Variants in MPDZ observed in about 807,000 individuals in gnomAD.
The protein encoded by MPDZ is multiple PDZ domain crumbs cell polarity complex component, also known as multiple PDZ domain protein.
MPDZ carries 234 observed loss-of-function variants against 239.1 expected under a neutral mutation model. The observed-to-expected ratio is 0.98, with a 90% CI of 0.88 to 1.09. The LOEUF is 1.09. MPDZ is among the 50% of genes least tolerant of loss of function. The probability of loss-of-function intolerance (pLI) is 0.00; values close to 1 mark genes in which losing one functional copy is unlikely to be tolerated. For synonymous variants in MPDZ, 1,048 were observed against 881.3 expected, an observed-to-expected ratio of 1.19 and a Z score of -3.35; for missense variants, 3,175 against 2,510.0, an observed-to-expected ratio of 1.26 and a Z score of -5.66.
chr9:13,224,673 A>G, intron 3 of MPDZ, 90 bp from the exon 4 acceptor site: 1 of 853,412 alleles, frequency 1.2e-6, no homozygotes. Context: ...CATACAAATG[A>G]AATTTCAAAA....
At chr9:13,264,656 T>TAA (rs201009628) in intron 1 of MPDZ, among the ~76,000 whole-genome samples, 14 of 132,834 alleles carry the variant, frequency 1.1e-4, no homozygotes, top group Admixed American at 1.5e-4. Flanking sequence ...ACCCATAATT[T>TAA]AAAAAAAAAA....
At position 13,123,157 on chromosome 9, in the gene MPDZ, A is replaced by G. The variant is rs201154034; in HGVS notation, c.4949T>C (p.Leu1650Pro). Residue 1650 changes from leucine (L) to proline (P), a missense_variant, in exon 36 of 47, where the codon CTG becomes CCG. Coordinates refer to ENST00000319217, the MANE Select transcript of MPDZ (RefSeq NM_001378778.1). ...GLSIVGGSDTLLGAIIIHEVY... is the reference protein window; with the variant it reads ...GLSIVGGSDTPLGAIIIHEVY... ...GCACCTCTGGGTGGTGCTCACCAGC[A>G]GCGTGTCTGAACCCCCAACGATGCT... The G allele has an allele frequency of 2.4e-5, 39 of 1,611,890 alleles. No individual in the cohort carries two copies. The highest frequency in any genetic ancestry group is 3.1e-5 in the Non-Finnish European group (37 of 1,179,412).
chr9:13,177,031 C>A (rs1445850770), intron 19 of MPDZ, among the ~76,000 whole-genome samples: 3 of 152,116 alleles, frequency 2.0e-5, no homozygotes, highest in Admixed American at 6.6e-5. Context: ...AATGTATGCT[C>A]TAAATCCAGG....
chr9:13,229,880 A>AT (rs1961862525), intron 3 of MPDZ, among the ~76,000 whole-genome samples: 1 of 152,100 alleles, frequency 6.6e-6, no homozygotes, highest in South Asian at 2.1e-4. Context: ...AGTTCCTTGC[A>AT]TTTTTTGGAA....
intron 12 of MPDZ, among the ~76,000 whole-genome samples, chr9:13,203,195 T>C (rs1471449758): frequency 1.3e-5 from 2 of 152,098 alleles, no homozygotes; most frequent in East Asian, 3.9e-4. Flanking sequence ...ACAAATTCAG[T>C]ACAGAGAGAA....
At position 13,143,529 on chromosome 9, in the gene MPDZ, G is replaced by C; in HGVS notation, c.3777C>G (p.Tyr1259Ter). 6.2e-7 allele frequency: 1 copy of C among 1,613,050 alleles called. No homozygotes were observed. Among genetic ancestry groups the C allele is most frequent in the Non-Finnish European group, 8.5e-7 (1 of 1,179,176 alleles). ...TAGTGCTGCTGAAGTTGTACTTAGGGTAAAGGTTGTGCAGCAAGGAAGGCA... is the reference window on the plus strand; with the variant it reads ...TAGTGCTGCTGAAGTTGTACTTAGGCTAAAGGTTGTGCAGCAAGGAAGGCA... ...SPLPSLLHNL[Y>*]PKYNFSSTNP... Residue 1259 changes from tyrosine (Y) to a stop codon, truncating the protein, a stop_gained, in exon 27 of 47, where the codon TAC becomes TAG. Transcript: ENST00000319217. LOFTEE classifies it high-confidence loss of function.
intron 41 of MPDZ, among the ~76,000 whole-genome samples, chr9:13,113,630 G>A (rs1268365474): frequency 1.3e-5 from 2 of 151,940 alleles, no homozygotes; most frequent in Non-Finnish European, 2.9e-5. Flanking sequence ...CTGATTTACT[G>A]GTGTTACATT....
At chr9:13,165,543 A>T in intron 22 of MPDZ, 1 of 862,290 alleles carries the variant, frequency 1.2e-6, no homozygotes, top group Non-Finnish European at 1.7e-6. Flanking sequence ...CCCCCTTTCC[A>T]CCTCCCTCCC....
At position 13,176,141 on chromosome 9, in the gene MPDZ, C is replaced by T. The variant is rs1952455877; in HGVS notation, c.2926G>A (p.Gly976Arg). The T allele has an allele frequency of 6.3e-7, 1 of 1,588,752 alleles. No individual in the cohort carries two copies. Among genetic ancestry groups the T allele is most frequent in the Non-Finnish European group, 8.6e-7 (1 of 1,166,026 alleles). Residue 976 changes from glycine to arginine, a missense_variant, in exon 20 of 47, where the codon GGA becomes AGA. Transcript: ENST00000319217. ...ELPSVLPDSA[G>R]KGSEYLLEQS... ...CCATATCTTTAAAATATTACCTTTC[C>T]AGCTGAATCGGGTAGCACAGAAGGA...
rs149502335 is a variant in MPDZ, at chr9:13,172,298, C to T, written c.3055+3454G>A. Among the ~76,000 whole-genome samples, 1,224 of 151,856 alleles carry T rather than the reference C, an allele frequency of 8.1e-3. 8 individuals carry two copies. The highest frequency in any genetic ancestry group is 0.014 in the Middle Eastern group (4 of 290). On this transcript the variant is annotated intron_variant, in intron 21 of 46. Transcript: ENST00000319217. ...ATGGAAATGAAGCAGAAAAGTTAAACTAATTGTGATTTACACTTTTATATT... is the reference window on the plus strand; with the variant it reads ...ATGGAAATGAAGCAGAAAAGTTAAATTAATTGTGATTTACACTTTTATATT...
intron 22 of MPDZ, among the ~76,000 whole-genome samples, chr9:13,165,720 T>A (rs1950995935): frequency 6.6e-6 from 1 of 152,160 alleles, no homozygotes; most frequent in Admixed American, 6.6e-5. Context: ...TCAGTAATTA[T>A]CTGGCAGATG....
chr9:13,190,376 A>G, intron 15 of MPDZ, 77 bp from the exon 16 acceptor site: 1 of 1,231,710 alleles, frequency 8.1e-7, no homozygotes, highest in South Asian at 3.0e-5. Flanking sequence ...AAGAAAAGGG[A>G]TATTCCCAGC....
chr9:13,238,899 T>A (rs1483061240), intron 3 of MPDZ, among the ~76,000 whole-genome samples: 2 of 152,152 alleles, frequency 1.3e-5, no homozygotes, highest in Non-Finnish European at 2.9e-5. Flanking sequence ...TCCTCAATTT[T>A]TAAACATGTA....
intron 19 of MPDZ, among the ~76,000 whole-genome samples, chr9:13,181,452 T>C (rs1218993599): frequency 2.6e-5 from 4 of 152,140 alleles, no homozygotes; most frequent in Non-Finnish European, 4.4e-5. Context: ...ACCAAAAATA[T>C]AAAATGTTGC....
At chr9:13,170,528 G>T (rs935434315) in intron 21 of MPDZ, among the ~76,000 whole-genome samples, 1 of 152,098 alleles carries the variant, frequency 6.6e-6, no homozygotes, top group Non-Finnish European at 1.5e-5. Context: ...ACTCCATTTT[G>T]TACTGTTAAA....
Position 13,159,739 on chromosome 9 carries a change from C to G in MPDZ, c.3360-1629G>C, listed in dbSNP as rs75443138. Among the ~76,000 whole-genome samples, 1,457 of 152,174 alleles carry G rather than the reference C, an allele frequency of 9.6e-3. 29 individuals carry two copies. Among genetic ancestry groups the G allele is most frequent in the African/African-American group, 0.034 (1,398 of 41,538 alleles). ...TTTTAGGTACAAGAAGATAAATATCCTGAATAATCCAATACAAGGACCCCA... is the reference window on the plus strand; with the variant it reads ...TTTTAGGTACAAGAAGATAAATATCGTGAATAATCCAATACAAGGACCCCA... On this transcript the variant is annotated intron_variant, in intron 23 of 46. Coordinates refer to ENST00000319217, the MANE Select transcript of MPDZ (RefSeq NM_001378778.1).
At chr9:13,113,486 T>C (rs1200910500) in intron 41 of MPDZ, among the ~76,000 whole-genome samples, 1 of 152,150 alleles carries the variant, frequency 6.6e-6, no homozygotes, top group Admixed American at 6.5e-5. Context: ...TTTGAACAAC[T>C]CTCAACCAAT....
chr9:13,199,001 C>T (rs567535367), intron 12 of MPDZ, among the ~76,000 whole-genome samples: 1 of 151,714 alleles, frequency 6.6e-6, no homozygotes, highest in South Asian at 2.1e-4. Context: ...GATATTGTAA[C>T]AATATTAATT....
At chr9:13,238,197 C>T (rs1012417724) in intron 3 of MPDZ, among the ~76,000 whole-genome samples, 3 of 152,168 alleles carry the variant, frequency 2.0e-5, no homozygotes, top group African/African-American at 7.2e-5. Context: ...AGCAGTTGTG[C>T]CCACTGGACT....
Sources: gnomAD v4.1 joint callset for allele counts (sites outside exome capture counted in the v4.1 genomes callset) on GRCh38, gnomAD v4.1.1 for gene constraint, MANE v1.5 for transcripts, NCBI Gene and HGNC (gene_info 2026-07-23, HGNC 2026-07-21) for gene names.